FREM3: variants seen among roughly 807,000 people sequenced by gnomAD.
FREM3 encodes the protein FRAS1-related extracellular matrix protein 3.
In FREM3, 105 loss-of-function variants were observed where a neutral mutation model predicts 129.1. That is an observed-to-expected ratio of 0.81 (90% CI 0.69 to 0.96). The LOEUF is 0.96. Ranked by LOEUF, FREM3 falls within the 40% of genes least tolerant of loss-of-function variation. The pLI is 0.00. For missense variants in FREM3, 2,593 were observed against 2,666.3 expected, an observed-to-expected ratio of 0.97 and a Z score of 0.61; for synonymous variants, 1,014 against 1,044.9, an observed-to-expected ratio of 0.97 and a Z score of 0.57.
chr4:143,656,407 C>A (rs982677931), intron 2 of FREM3, among the ~76,000 whole-genome samples: 1 of 152,044 alleles, frequency 6.6e-6, no homozygotes, highest in Admixed American at 6.6e-5. Flanking sequence ...ATGGAAACAT[C>A]CAAATGTCTA....
chr4:143,622,051 AG>A (rs1738960488), intron 4 of FREM3, among the ~76,000 whole-genome samples: 3 of 150,892 alleles, frequency 2.0e-5, no homozygotes, highest in Admixed American at 2.0e-4. Context: ...TCTTCCTCTT[AG>A]TGATGCAAGC....
At chr4:143,640,516 C>T (rs1412076921) in intron 2 of FREM3, among the ~76,000 whole-genome samples, 4 of 152,040 alleles carry the variant, frequency 2.6e-5, no homozygotes, top group African/African-American at 4.8e-5. Flanking sequence ...ACTAAAAATA[C>T]AAAATTAGCT....
chr4:143,652,379 G>A (rs1177544699), intron 2 of FREM3, among the ~76,000 whole-genome samples: 2 of 41,428 alleles, frequency 4.8e-5, no homozygotes, highest in African/African-American at 1.1e-4. Flanking sequence ...AGCCAGGATG[G>A]TCTCGATCTC....
intron 2 of FREM3, among the ~76,000 whole-genome samples, chr4:143,676,860 G>C (rs1033571127): frequency 6.7e-6 from 1 of 149,382 alleles, no homozygotes; most frequent in Admixed American, 6.6e-5. Flanking sequence ...TCTTCAAGGA[G>C]AACTACAAAC....
chr4:143,640,952 G>C (rs967580566), intron 2 of FREM3, among the ~76,000 whole-genome samples: 8 of 151,954 alleles, frequency 5.3e-5, no homozygotes, highest in African/African-American at 1.9e-4. Context: ...ATGTTACATT[G>C]GTCATATAGA....
At chr4:143,678,503 C>T (rs1200420835) in intron 2 of FREM3, among the ~76,000 whole-genome samples, 2 of 152,018 alleles carry the variant, frequency 1.3e-5, no homozygotes, top group East Asian at 1.9e-4. Context: ...AACAAACCTG[C>T]ACATTGTGCA....
At chr4:143,597,759 TA>T (rs1035853657) in intron 6 of FREM3, among the ~76,000 whole-genome samples, 4 of 152,270 alleles carry the variant, frequency 2.6e-5, no homozygotes, top group South Asian at 2.1e-4. Context: ...AAAACATTGA[TA>T]AAAAAATTAA....
intron 2 of FREM3, among the ~76,000 whole-genome samples, chr4:143,677,561 A>G (rs1740163173): frequency 6.6e-6 from 1 of 152,260 alleles, no homozygotes; most frequent in African/African-American, 2.4e-5. Flanking sequence ...ATTAAACTAA[A>G]GAGCTTCTGG....
In FREM3 at chr4:143,667,921, G is replaced by C. The variant is rs146017230; in HGVS notation, c.5275+25192C>G. Among the ~76,000 whole-genome samples the C allele has an allele frequency of 2.2e-4, 33 of 152,198 alleles. No homozygotes were observed. The East Asian group carries it at 6.0e-3, about 28-fold the overall frequency. On this transcript the variant is annotated intron_variant, in intron 2 of 7. Coordinates refer to ENST00000329798, the MANE Select transcript of FREM3 (RefSeq NM_001168235.2). ...TCATAACAAGGCATTCTGTTTCAGA[G>C]AATTTGTACTTATAAAAATAACAAA...
Position 143,693,309 on chromosome 4 carries a change from A to G in FREM3, c.5186-107T>C, listed in dbSNP as rs531504890. 234 of 449,898 alleles carry G rather than the reference A, an allele frequency of 5.2e-4. 1 individual carries two copies. Among genetic ancestry groups the G allele is most frequent in the African/African-American group, 4.4e-3 (221 of 49,756 alleles). The allele number at this position is 449,898 out of a possible 1,614,324, so 27.9% of individuals were successfully genotyped here. On this transcript the variant is annotated intron_variant, in intron 1 of 7. Transcript: ENST00000329798. ...GGCATAGAAATACTCCAATTAATAA[A>G]TTTTAAAATAGTGATTGAGTGAACA...
At chr4:143,607,558 A>T (rs1409212736) in intron 6 of FREM3, among the ~76,000 whole-genome samples, 1 of 152,194 alleles carries the variant, frequency 6.6e-6, no homozygotes, top group Non-Finnish European at 1.5e-5. Context: ...GAACTCAATG[A>T]TTAAGAGTTA....
At position 143,697,970 on chromosome 4, in the gene FREM3, G is replaced by T. The variant is rs1740611139; in HGVS notation, c.2706C>A (p.Tyr902Ter). The T allele has an allele frequency of 6.5e-7, 1 of 1,537,502 alleles. No individual in the cohort carries two copies. Among genetic ancestry groups the T allele is most frequent in the Non-Finnish European group, 8.7e-7 (1 of 1,147,008 alleles). ...QADVINGSVS[Y>*]QHGRDQTTTS... The stretch of plus-strand genomic sequence containing the variant: ...TAGTCGTCTGGTCTCTGCCATGCTG[G>T]TAAGAGACACTCCCGTTAATAACAT... Residue 902 changes from tyrosine (Y) to a stop codon, truncating the protein, a stop_gained, in exon 1 of 8, where the codon TAC becomes TAA. Transcript: ENST00000329798. LOFTEE classifies it high-confidence loss of function.
chr4:143,628,635 A>G (rs1739087566), intron 2 of FREM3, among the ~76,000 whole-genome samples: 1 of 152,216 alleles, frequency 6.6e-6, no homozygotes, highest in Non-Finnish European at 1.5e-5. Context: ...GAGATCAAGC[A>G]TATCAAAATG....
At position 143,616,187 on chromosome 4, in the gene FREM3, T is replaced by C. The variant is rs188848113; in HGVS notation, c.5780-4660A>G. ...ATATGTTGGAATAATAACTTTAAAA[T>C]GCTAGGAGAGAATTACTACCAACCT... On this transcript the variant is annotated intron_variant, in intron 5 of 7. Coordinates refer to ENST00000329798, the MANE Select transcript of FREM3 (RefSeq NM_001168235.2). Among the ~76,000 whole-genome samples, 529 of 152,302 alleles carry C rather than the reference T, an allele frequency of 3.5e-3. 5 individuals are homozygous for C. The highest frequency in any genetic ancestry group is 0.012 in the African/African-American group (518 of 41,564).
At chr4:143,688,280 A>G (rs528672450) in intron 2 of FREM3, among the ~76,000 whole-genome samples, 2 of 152,218 alleles carry the variant, frequency 1.3e-5, no homozygotes, top group African/African-American at 4.8e-5. Flanking sequence ...CAAAAAATAA[A>G]TAAATAAAAT....
intron 2 of FREM3, among the ~76,000 whole-genome samples, chr4:143,688,267 C>T (rs1740403442): frequency 6.6e-6 from 1 of 151,974 alleles, no homozygotes; most frequent in African/African-American, 2.4e-5. Flanking sequence ...TTTAAAATAG[C>T]TGCAAAAAAT....
At position 143,699,243 on chromosome 4, in the gene FREM3, T is replaced by C. The variant is rs754079952; in HGVS notation, c.1433A>G (p.His478Arg). 2.0e-6 allele frequency: 3 copies of C among 1,537,318 alleles called. No individual in the cohort carries two copies. Among genetic ancestry groups the C allele is most frequent in the Middle Eastern group, 1.7e-4 (1 of 5,990 alleles). The change falls in exon 1 of 8, where the codon CAT (histidine) becomes CGT (arginine). Residue 478 changes from histidine to arginine, a missense_variant. His to Arg is a conservative substitution (Grantham distance 29). Coordinates refer to ENST00000329798, the MANE Select transcript of FREM3 (RefSeq NM_001168235.2). The surrounding 1 kb of genome is among the most constrained non-coding windows in gnomAD (Gnocchi z 4.2). Reference sequence around the variant, plus strand: ...TGCCCCAAACACCACCAGCTGCCCATGTCTCAAGCCCCTGACTGCAGCCAT... The same window carrying C: ...TGCCCCAAACACCACCAGCTGCCCACGTCTCAAGCCCCTGACTGCAGCCAT... ...VKMAAVRGLR[H>R]GQLVVFGAPA...
chr4:143,656,521 A>T (rs538044569), intron 2 of FREM3, among the ~76,000 whole-genome samples: 1 of 152,346 alleles, frequency 6.6e-6, no homozygotes, highest in South Asian at 2.1e-4. Flanking sequence ...TATAACATAA[A>T]CCTTGAAAAC....
In FREM3 at chr4:143,669,034, T is replaced by C. The variant is rs189294827; in HGVS notation, c.5275+24079A>G. On this transcript the variant is annotated intron_variant, in intron 2 of 7. Coordinates refer to ENST00000329798, the MANE Select transcript of FREM3 (RefSeq NM_001168235.2). ...TTCTGTGACTCCAGACAATGAAGAGTGTATATAGTTAAGTCATTTACGTAT... is the reference window on the plus strand; with the variant it reads ...TTCTGTGACTCCAGACAATGAAGAGCGTATATAGTTAAGTCATTTACGTAT... Among the ~76,000 whole-genome samples, 119 of 152,138 alleles carry C rather than the reference T, an allele frequency of 7.8e-4. 2 individuals are homozygous for C. The highest frequency in any genetic ancestry group is 2.7e-3 in the African/African-American group (113 of 41,524).
Sources: allele counts gnomAD v4.1 joint callset (sites outside exome capture counted in the v4.1 genomes callset), GRCh38; gene constraint gnomAD v4.1.1; non-coding constraint Gnocchi (gnomAD v3.1); transcripts MANE v1.5; gene names NCBI Gene and HGNC (gene_info 2026-07-23, HGNC 2026-07-21).